STXBP5L: variants seen among roughly 807,000 people sequenced by gnomAD.
The protein encoded by STXBP5L is syntaxin binding protein 5L.
In STXBP5L, 65 loss-of-function variants were observed where a neutral mutation model predicts 144.5. That is an observed-to-expected ratio of 0.45 (90% CI 0.37 to 0.55). The LOEUF is 0.55. STXBP5L is among the 20% of genes least tolerant of loss of function. STXBP5L has a pLI of 0.00. For missense variants in STXBP5L, 1,298 were observed against 1,405.5 expected (o/e 0.92, Z 1.22); for synonymous variants, 505 against 469.6 (o/e 1.08, Z -0.97).
At chr3:121,382,307 C>G (rs577793253) in intron 22 of STXBP5L, among the ~76,000 whole-genome samples, 2 of 152,034 alleles carry the variant, frequency 1.3e-5, no homozygotes, top group South Asian at 2.1e-4. Flanking sequence ...TTTTCTTTAA[C>G]TAGTGTGCTA....
chr3:121,110,291 C>T (rs945954790), intron 5 of STXBP5L, among the ~76,000 whole-genome samples: 4 of 152,082 alleles, frequency 2.6e-5, no homozygotes, highest in African/African-American at 9.7e-5. Flanking sequence ...GATGTAGTTG[C>T]CTTATAGAGT....
chr3:121,413,833 C>T lies in STXBP5L; in HGVS notation c.3114+510C>T, dbSNP rs541696430. On this transcript the variant is annotated intron_variant, in intron 24 of 26. Transcript: ENST00000471454. ...TAACCTTCTGTAAGAATGGTCACAA[C>T]ATTTTTTAAAAGCATCTTGGACATT... Among the ~76,000 whole-genome samples the T allele has an allele frequency of 3.3e-4, 50 of 152,250 alleles. No individual in the cohort carries two copies. The South Asian group carries it at 3.5e-3, about 11-fold the overall frequency.
chr3:121,061,827 G>A (rs528054170), intron 5 of STXBP5L, among the ~76,000 whole-genome samples: 10 of 151,818 alleles, frequency 6.6e-5, no homozygotes, highest in South Asian at 6.2e-4. Context: ...CTTGGTAAAT[G>A]TTCCTCCATC....
intron 3 of STXBP5L, among the ~76,000 whole-genome samples, chr3:121,000,284 C>G (rs1392028307): frequency 6.6e-6 from 1 of 152,092 alleles, no homozygotes; most frequent in Non-Finnish European, 1.5e-5. Flanking sequence ...TTCCATATAT[C>G]TTATATATTA....
chr3:121,384,649 T>C (rs2046387359), intron 22 of STXBP5L, among the ~76,000 whole-genome samples: 1 of 152,096 alleles, frequency 6.6e-6, no homozygotes, highest in Admixed American at 6.6e-5. Context: ...CAGTGCCTTA[T>C]AAATCGTGAA....
chr3:121,387,502 T>C (rs1401265566), intron 22 of STXBP5L, among the ~76,000 whole-genome samples: 1 of 152,258 alleles, frequency 6.6e-6, no homozygotes, highest in Non-Finnish European at 1.5e-5. Context: ...TGAATGGTAT[T>C]GCCTAGGTTT....
Position 121,420,151 on chromosome 3 carries a change from T to C in STXBP5L, c.*1054T>C, listed in dbSNP as rs1449628894. 6.6e-6 allele frequency: 1 copy of C among 152,232 alleles called. No homozygotes were observed. The highest frequency in any genetic ancestry group is 1.5e-5 in the Non-Finnish European group (1 of 68,034). 9.4% of individuals were successfully genotyped at this position (152,232 alleles called of 1,614,324 possible). A position where few individuals can be genotyped will look rare whatever the true frequency, so the allele number is the denominator to read the frequency against. On this transcript the variant is annotated 3_prime_UTR_variant, in exon 27 of 27. Coordinates refer to ENST00000471454, the MANE Select transcript of STXBP5L (RefSeq NM_001308330.2). Reference sequence around the variant, plus strand: ...CACAAACCAAACTGGTCATTCTCTTTAGTGTGATTCAGTAAAATCTCAGTT... The same window carrying C: ...CACAAACCAAACTGGTCATTCTCTTCAGTGTGATTCAGTAAAATCTCAGTT...
chr3:120,958,802 T>C (rs569864788), intron 3 of STXBP5L, among the ~76,000 whole-genome samples: 14 of 152,318 alleles, frequency 9.2e-5, no homozygotes, highest in Non-Finnish European at 1.6e-4. Flanking sequence ...AATATTATAC[T>C]GAATGGGCAA....
intron 3 of STXBP5L, among the ~76,000 whole-genome samples, chr3:120,997,394 T>C (rs1246704854): frequency 6.6e-6 from 1 of 152,220 alleles, no homozygotes; most frequent in Non-Finnish European, 1.5e-5. Flanking sequence ...TGGAACTAAT[T>C]TACATTGCCA....
At chr3:121,356,894 GC>G (rs2045534958) in intron 20 of STXBP5L, 1 of 153,716 alleles carries the variant, frequency 6.5e-6, no homozygotes. Flanking sequence ...ACTGGCCAGA[GC>G]CCATTCAAGG....
chr3:121,408,887 A>C (rs139983949), intron 23 of STXBP5L, among the ~76,000 whole-genome samples: 1 of 151,978 alleles, frequency 6.6e-6, no homozygotes, highest in Non-Finnish European at 1.5e-5. Flanking sequence ...AGGTTAGAAG[A>C]GAGTTTAAAG....
At chr3:120,952,194 T>C (rs558446913) in intron 2 of STXBP5L, among the ~76,000 whole-genome samples, 65 of 151,792 alleles carry the variant, frequency 4.3e-4, no homozygotes, top group Non-Finnish European at 7.8e-4. Flanking sequence ...TTGGGAGATA[T>C]AACTAATGCT....
intron 5 of STXBP5L, among the ~76,000 whole-genome samples, chr3:121,085,399 C>T (rs1437987469): frequency 2.0e-5 from 3 of 152,082 alleles, no homozygotes; most frequent in East Asian, 3.9e-4. Context: ...TTGAAGATAA[C>T]ATGATCCTAT....
chr3:121,147,896 T>C (rs1186368324), intron 7 of STXBP5L, among the ~76,000 whole-genome samples: 1 of 152,138 alleles, frequency 6.6e-6, no homozygotes, highest in Non-Finnish European at 1.5e-5. Context: ...GGACTCTAAC[T>C]GAAACATCGG....
chr3:121,203,405 T>G (rs542793963), intron 9 of STXBP5L, among the ~76,000 whole-genome samples: 24 of 152,176 alleles, frequency 1.6e-4, no homozygotes, highest in Non-Finnish European at 2.5e-4. Context: ...CTCATTTCAT[T>G]ATAGTACTTC....
chr3:121,012,037 T>C (rs990207516), intron 3 of STXBP5L, among the ~76,000 whole-genome samples: 2 of 151,924 alleles, frequency 1.3e-5, no homozygotes, highest in African/African-American at 4.8e-5. Context: ...GATTTCCTTA[T>C]TGTGGAAATT....
intron 10 of STXBP5L, among the ~76,000 whole-genome samples, chr3:121,214,348 G>T (rs1299464890): frequency 2.0e-5 from 3 of 152,104 alleles, no homozygotes; most frequent in Non-Finnish European, 2.9e-5. Context: ...GGCATTTAGT[G>T]CTATAAATTT....
At chr3:121,136,136 G>T (rs2045248210) in intron 7 of STXBP5L, among the ~76,000 whole-genome samples, 1 of 152,190 alleles carries the variant, frequency 6.6e-6, no homozygotes, top group South Asian at 2.1e-4. Flanking sequence ...TTGGGTATAA[G>T]TTCAGCAACC....
chr3:121,282,280 C>T lies in STXBP5L; in HGVS notation c.2110+2324C>T, dbSNP rs77475405. Reference sequence around the variant, plus strand: ...ATGTTCCAAAGACAACTTTTGCATGCGTGGCCTGTCTAACTTTTATCCTGA... The same window carrying T: ...ATGTTCCAAAGACAACTTTTGCATGTGTGGCCTGTCTAACTTTTATCCTGA... On this transcript the variant is annotated intron_variant, in intron 19 of 26. Transcript: ENST00000471454. 1,596 of 1,611,852 alleles carry T rather than the reference C, an allele frequency of 9.9e-4. 5 individuals carry two copies. Among genetic ancestry groups the T allele is most frequent in the Non-Finnish European group, 1.1e-3 (1,261 of 1,178,544 alleles).
Sources: gnomAD v4.1 joint callset for allele counts (sites outside exome capture counted in the v4.1 genomes callset) on GRCh38, gnomAD v4.1.1 for gene constraint, MANE v1.5 for transcripts, NCBI Gene and HGNC (gene_info 2026-07-23, HGNC 2026-07-21) for gene names.